Variants in RBMS1 observed in about 807,000 individuals in gnomAD.
RBMS1 encodes the protein RNA binding motif single stranded interacting protein 1.
A neutral mutation model predicts 62.3 loss-of-function variants in RBMS1; 17 were observed. The observed-to-expected ratio is 0.27, with a 90% CI of 0.19 to 0.41. RBMS1 has a LOEUF of 0.41. RBMS1 is among the 10% of genes least tolerant of loss of function. RBMS1 has a pLI of 1.00. For synonymous variants in RBMS1, 172 were observed against 170.0 expected (o/e 1.01, Z -0.09); for missense variants, 334 against 504.5 (o/e 0.66, Z 3.24).
chr2:160,324,854 A>G (rs1458280899), intron 2 of RBMS1, among the ~76,000 whole-genome samples: 2 of 143,226 alleles, frequency 1.4e-5, no homozygotes, highest in African/African-American at 2.6e-5. Context: ...GCCAGGCACT[A>G]TTCTAAGCGA....
At chr2:160,348,254 A>G (rs897944789) in intron 2 of RBMS1, among the ~76,000 whole-genome samples, 3 of 152,150 alleles carry the variant, frequency 2.0e-5, no homozygotes, top group Non-Finnish European at 2.9e-5. Flanking sequence ...TCTCATTCAA[A>G]ATATCCTCTT....
intron 1 of RBMS1, among the ~76,000 whole-genome samples, chr2:160,448,241 G>A (rs1419925375): frequency 6.6e-6 from 1 of 151,922 alleles, no homozygotes; most frequent in African/African-American, 2.4e-5. Flanking sequence ...TGAAATGGTA[G>A]AAATCACCTG....
intron 1 of RBMS1, among the ~76,000 whole-genome samples, chr2:160,393,337 C>T (rs915187762): frequency 2.0e-5 from 3 of 152,220 alleles, no homozygotes; most frequent in Non-Finnish European, 4.4e-5. Context: ...TATTTATACA[C>T]TTGCTCCATA....
In RBMS1 at chr2:160,278,549, G is replaced by A; in HGVS notation, c.1061C>T (p.Thr354Ile). 3.1e-6 allele frequency: 5 copies of A among 1,610,676 alleles called. 1 individual carries two copies. The South Asian group carries it at 4.4e-5, about 14-fold the overall frequency. ...MSHLSLGSTG[T>I]YMPATSAMQG... Reference sequence around the variant, plus strand: ...ACATGATAATTATTTGCCACCTACTGTTCCGGTGCTGCCTAGTGACAGATG... The same window carrying A: ...ACATGATAATTATTTGCCACCTACTATTCCGGTGCTGCCTAGTGACAGATG... The change falls in exon 11 of 14, where the codon ACA becomes ATA. Residue 354 changes from threonine to isoleucine, a missense_variant and splice_region_variant. Transcript: ENST00000348849.
chr2:160,370,830 T>C (rs555816759), intron 1 of RBMS1, among the ~76,000 whole-genome samples: 4 of 136,162 alleles, frequency 2.9e-5, no homozygotes, highest in African/African-American at 9.3e-5. Flanking sequence ...TTGGCAGATA[T>C]GTTTTTTAAG....
In RBMS1 at chr2:160,390,805, T is replaced by C. The variant is rs577277490; in HGVS notation, c.76-23414A>G. Among the ~76,000 whole-genome samples, 20 of 151,746 alleles carry C rather than the reference T, an allele frequency of 1.3e-4. No individual in the cohort carries two copies. In the South Asian group the frequency reaches 3.7e-3, roughly 28 times the overall value. On this transcript the variant is annotated intron_variant, in intron 1 of 13. Transcript: ENST00000348849. ...AGTCACTCAGGATCCTTGAAGGCTATGGACATTGCCATAGCCATTAACATA... is the reference window on the plus strand; with the variant it reads ...AGTCACTCAGGATCCTTGAAGGCTACGGACATTGCCATAGCCATTAACATA...
At chr2:160,323,608 GAAAGAAAAAA>G (rs766665139) in intron 2 of RBMS1, among the ~76,000 whole-genome samples, 1,889 of 84,746 alleles carry the variant, frequency 0.022, 49 homozygotes, top group African/African-American at 0.076. Flanking sequence ...AGAATTTCAT[GAAAGAAAAAA>G]AAAAAAAAAA....
chr2:160,287,230 T>A, intron 6 of RBMS1, 146 bp from the exon 7 acceptor site: 3 of 972,126 alleles, frequency 3.1e-6, no homozygotes, highest in Non-Finnish European at 3.0e-6. Flanking sequence ...CAGACCTTTG[T>A]AAAACTGTCC....
chr2:160,372,713 G>C (rs533236250), intron 1 of RBMS1, among the ~76,000 whole-genome samples: 7 of 152,186 alleles, frequency 4.6e-5, no homozygotes, highest in Non-Finnish European at 1.0e-4. Flanking sequence ...GGCCATATGA[G>C]TGACTGAGAG....
intron 1 of RBMS1, among the ~76,000 whole-genome samples, chr2:160,434,111 C>T (rs945742856): frequency 2.6e-5 from 4 of 152,000 alleles, no homozygotes; most frequent in African/African-American, 9.7e-5. Flanking sequence ...CAAATGACTT[C>T]GATATGAGCA....
intron 9 of RBMS1, chr2:160,282,631 T>G (rs1688166120): frequency 6.0e-6 from 1 of 165,722 alleles, no homozygotes. Flanking sequence ...TTTTCTTTCT[T>G]AAGCAGCAAA....
chr2:160,286,991 T>G lies in RBMS1; in HGVS notation c.734A>C (p.His245Pro), dbSNP rs770716010. 6.2e-7 allele frequency: 1 copy of G among 1,612,390 alleles called. No individual in the cohort carries two copies. The highest frequency in any genetic ancestry group is 1.1e-5 in the South Asian group (1 of 90,992). Residue 245 changes from histidine to proline, a missense_variant, in exon 7 of 14, where the codon CAT becomes CCT. Coordinates refer to ENST00000348849, the MANE Select transcript of RBMS1 (RefSeq NM_016836.4). ...NKYIPNGRPW[H>P]REGEVRLAGM... ...TACAAGTCTCACCTCTCCTTCTCTA[T>G]GCCATGGTCTTCCATTAGGGATGTA...
chr2:160,461,255 AAGAGAG>A lies in RBMS1; in HGVS notation c.75+32028_75+32033del, dbSNP rs764820779. On this transcript the variant is annotated intron_variant, in intron 1 of 13. Transcript: ENST00000348849. ...CAGAGCAAGACTCCATCTCGAAAGA[AAGAGAG>A]AGAGAGAGAGAGGGAGAGAAAGAAA... is the stretch of plus-strand genomic sequence containing the variant. Among the ~76,000 whole-genome samples, 7 of 150,760 alleles carry A rather than the reference AAGAGAG, an allele frequency of 4.6e-5. 1 individual carries two copies. The highest frequency in any genetic ancestry group is 2.0e-4 in the Admixed American group (3 of 15,120).
chr2:160,320,753 T>C (rs1690514551), intron 2 of RBMS1, among the ~76,000 whole-genome samples: 1 of 152,136 alleles, frequency 6.6e-6, no homozygotes, highest in African/African-American at 2.4e-5. Context: ...GCTGTGCTTC[T>C]TGTACAACCG....
intron 1 of RBMS1, among the ~76,000 whole-genome samples, chr2:160,437,802 A>G (rs1009798245): frequency 6.6e-6 from 1 of 152,242 alleles, no homozygotes; most frequent in African/African-American, 2.4e-5. Context: ...ACTGATTATC[A>G]AGGGACCTGA....
intron 1 of RBMS1, among the ~76,000 whole-genome samples, chr2:160,426,278 AAAGAAAG>A (rs1254707322): frequency 2.5e-5 from 3 of 120,402 alleles, no homozygotes; most frequent in South Asian, 2.9e-4. Flanking sequence ...AGAAAGAAAG[AAAGAAAG>A]AAAGAAAAGA....
At chr2:160,282,375 A>G in intron 9 of RBMS1, 1 of 1,301,008 alleles carries the variant, frequency 7.7e-7, no homozygotes, top group African/African-American at 1.5e-5. Flanking sequence ...GCCTTTCCCC[A>G]TTGGGGTTGG....
At chr2:160,458,114 C>A (rs903888283) in intron 1 of RBMS1, among the ~76,000 whole-genome samples, 1 of 151,882 alleles carries the variant, frequency 6.6e-6, no homozygotes, top group African/African-American at 2.4e-5. Flanking sequence ...CAGGTCCTTG[C>A]CAGCACACCC....
At chr2:160,387,559 A>T (rs1188153899) in intron 1 of RBMS1, among the ~76,000 whole-genome samples, 1 of 152,118 alleles carries the variant, frequency 6.6e-6, no homozygotes, top group Admixed American at 6.5e-5. Flanking sequence ...CAAGCCCTGG[A>T]ACATTTTCTG....
Sources: allele counts gnomAD v4.1 joint callset (sites outside exome capture counted in the v4.1 genomes callset), GRCh38; gene constraint gnomAD v4.1.1; transcripts MANE v1.5; gene names NCBI Gene and HGNC (gene_info 2026-07-23, HGNC 2026-07-21).